Variants in STEAP2 observed in about 807,000 individuals in gnomAD.
The protein encoded by STEAP2 is metalloreductase STEAP2.
STEAP2 carries 30 observed loss-of-function variants against 46.4 expected under a neutral mutation model. The ratio of observed to expected loss-of-function variants is 0.65; its 90% CI spans 0.48 to 0.88. The LOEUF is 0.88. STEAP2 is among the 40% of genes least tolerant of loss of function. The pLI is 0.00. For missense variants in STEAP2, 513 were observed against 579.3 expected, an observed-to-expected ratio of 0.89 and a Z score of 1.18; for synonymous variants, 180 against 200.5, an observed-to-expected ratio of 0.90 and a Z score of 0.86.
In STEAP2 at chr7:90,234,076, C is replaced by T. The variant is rs1025200540; in HGVS notation, c.*1452C>T. 1.0e-6 allele frequency: 1 copy of T among 985,244 alleles called. No homozygotes were observed. The highest frequency in any genetic ancestry group is 1.1e-4 in the East Asian group (1 of 8,830). 61.0% of individuals were successfully genotyped at this position (985,244 alleles called of 1,614,324 possible). ...AAAATCTCTGTAGAGTTAGTCTTCT[C>T]CTTTTCTCTTCCTGAGAAGTTCTCC... On this transcript the variant is annotated 3_prime_UTR_variant, in exon 6 of 6. Transcript: ENST00000394621.
At chr7:90,240,369 C>T (rs2116427336), downstream of STEAP2, among the ~76,000 whole-genome samples, 1 of 152,132 alleles carries the variant, frequency 6.6e-6, no homozygotes, top group Admixed American at 6.5e-5. This position sits in a 1 kb window ranked among gnomAD's most constrained non-coding sequence, Gnocchi z 4.1. Context: ...CTACTAAAAA[C>T]TATGACTAGA....
In STEAP2 at chr7:90,227,097, C is replaced by T. The variant is rs148055758; in HGVS notation, c.619C>T (p.Arg207Ter). ...SAREIENLPLRLFTLWRGPVV... is the reference protein window; with the variant it reads ...SAREIENLPL ...CAGAGAGATTGAAAATTTACCCCTA[C>T]GACTCTTTACTCTCTGGAGAGGGCC... is the stretch of plus-strand genomic sequence containing the variant. Residue 207 changes from arginine to a stop codon, truncating the protein, a stop_gained, in exon 4 of 6, where the codon CGA (arginine) becomes TGA (stop). Coordinates refer to ENST00000394621, the MANE Select transcript of STEAP2 (RefSeq NM_001244944.2). LOFTEE classifies it high-confidence loss of function. 2.4e-5 allele frequency: 39 copies of T among 1,613,686 alleles called. No homozygotes were observed. Among genetic ancestry groups the T allele is most frequent in the Non-Finnish European group, 3.1e-5 (37 of 1,179,846 alleles).
chr7:90,213,756 A>C lies in STEAP2; in HGVS notation c.-147+1711A>C, dbSNP rs185586005. On this transcript the variant is annotated intron_variant, in intron 1 of 5. Transcript: ENST00000394621. ...TTTATTGTCCAATGGGGGAAATAGT[A>C]AACAGTAAAGAAACAATTATATAAA... is the stretch of plus-strand genomic sequence containing the variant. 11 of 152,362 alleles carry C rather than the reference A, an allele frequency of 7.2e-5. No homozygotes were observed. In the East Asian group the frequency reaches 1.5e-3, roughly 21 times the overall value. The allele number at this position is 152,362 out of a possible 1,614,324, so 9.4% of individuals were successfully genotyped here. A position where few individuals can be genotyped will look rare whatever the true frequency, so the allele number is the denominator to read the frequency against.
intron 2 of STEAP2, among the ~76,000 whole-genome samples, chr7:90,222,900 A>T (rs1387018493): frequency 6.6e-6 from 1 of 152,112 alleles, no homozygotes; most frequent in Non-Finnish European, 1.5e-5. Context: ...AATCCTCTGA[A>T]ATGGTCCACA....
intron 4 of STEAP2, among the ~76,000 whole-genome samples, 165 bp downstream of exon 4, chr7:90,227,663 G>A (rs1026941834): frequency 6.6e-6 from 1 of 152,120 alleles, no homozygotes; most frequent in Non-Finnish European, 1.5e-5. Flanking sequence ...AAATAATTAG[G>A]TGGCTAATTC....
chr7:90,239,682 G>A (rs910864148), downstream of STEAP2, among the ~76,000 whole-genome samples: 13 of 151,986 alleles, frequency 8.6e-5, no homozygotes, highest in African/African-American at 2.7e-4. Flanking sequence ...GGGTAAAAGC[G>A]CTTTATAAAT....
chr7:90,241,528 C>T (rs1432085459), downstream of STEAP2, among the ~76,000 whole-genome samples: 1 of 152,184 alleles, frequency 6.6e-6, no homozygotes, highest in East Asian at 1.9e-4. Context: ...AAAGTATGTT[C>T]TCCAGACCAA....
rs1026731675 is a variant in STEAP2, at chr7:90,237,639, T to C, written c.*5015T>C. On this transcript the variant is annotated 3_prime_UTR_variant, in exon 6 of 6. Coordinates refer to ENST00000394621, the MANE Select transcript of STEAP2 (RefSeq NM_001244944.2). ...TTAACTTCTGTTTTGAAATGTTGTA[T>C]ACACGTGGATTTTTTTCTCATTAAA... is the stretch of plus-strand genomic sequence containing the variant. 2 of 156,884 alleles carry C rather than the reference T, an allele frequency of 1.3e-5. No individual in the cohort carries two copies. The highest frequency in any genetic ancestry group is 6.2e-5 in the Admixed American group (1 of 16,250). 9.7% of individuals were successfully genotyped at this position (156,884 alleles called of 1,614,324 possible). A position where few individuals can be genotyped will look rare whatever the true frequency, so the allele number is the denominator to read the frequency against.
At chr7:90,238,670 C>T (rs1477903676), downstream of STEAP2, among the ~76,000 whole-genome samples, 2 of 152,174 alleles carry the variant, frequency 1.3e-5, no homozygotes, top group African/African-American at 2.4e-5. Context: ...TTCTGTTTCT[C>T]AGAGATAGTA....
chr7:90,238,230 T>C, downstream of STEAP2: 1 of 697,582 alleles, frequency 1.4e-6, no homozygotes, highest in East Asian at 2.7e-5. Flanking sequence ...TTTGTGCCTG[T>C]GCACCAGATC....
intron 2 of STEAP2, among the ~76,000 whole-genome samples, chr7:90,219,683 T>A (rs1795168992): frequency 6.6e-6 from 1 of 152,090 alleles, no homozygotes; most frequent in Non-Finnish European, 1.5e-5. Flanking sequence ...GTGTTTTTTT[T>A]ATGAGTTGTT....
Position 90,225,457 on chromosome 7 carries a change from C to T in STEAP2, c.375C>T (p.Tyr125=), listed in dbSNP as rs1795446446. The T allele has an allele frequency of 1.9e-6, 3 of 1,613,688 alleles. No homozygotes were observed. Among genetic ancestry groups the T allele is most frequent in the Admixed American group, 3.3e-5 (2 of 59,956 alleles). The part of the protein sequence containing the change: ...DVSNNMRINQ[Y]PESNAEYLAS... ...GCAATAACATGAGGATAAACCAGTA[C>T]CCAGAATCCAATGCTGAATATTTGG... is the stretch of plus-strand genomic sequence containing the variant. The change falls in exon 3 of 6, where the codon TAC becomes TAT. Residue 125 remains tyrosine, a synonymous_variant. Coordinates refer to ENST00000394621, the MANE Select transcript of STEAP2 (RefSeq NM_001244944.2).
chr7:90,223,590 C>T (rs907705749), intron 2 of STEAP2, among the ~76,000 whole-genome samples: 1 of 152,218 alleles, frequency 6.6e-6, no homozygotes, highest in African/African-American at 2.4e-5. Flanking sequence ...TATGCTTGCG[C>T]TCTGAACTCA....
chr7:90,229,724 G>A (rs913415913), intron 4 of STEAP2, 148 bp from the exon 5 acceptor site: 2 of 1,272,880 alleles, frequency 1.6e-6, no homozygotes, highest in Non-Finnish European at 2.1e-6. Flanking sequence ...CCAGTAACAG[G>A]TTCTCTGTAA....
Position 90,236,648 on chromosome 7 carries a change from C to A in STEAP2, c.*4024C>A. On this transcript the variant is annotated 3_prime_UTR_variant, in exon 6 of 6. Transcript: ENST00000394621. ...TTTAGTATGAGAAAATTATACAGTG[C>A]TTAATTTTCAGAGATTCTTTCCATA... The A allele has an allele frequency of 8.1e-7, 1 of 1,241,694 alleles. No individual in the cohort carries two copies. The highest frequency in any genetic ancestry group is 1.0e-6 in the Non-Finnish European group (1 of 991,488). The allele number at this position is 1,241,694 out of a possible 1,614,324, so 76.9% of individuals were successfully genotyped here. A position where few individuals can be genotyped will look rare whatever the true frequency, so the allele number is the denominator to read the frequency against.
intron 2 of STEAP2, among the ~76,000 whole-genome samples, chr7:90,218,581 T>C (rs1584228014): frequency 6.6e-6 from 1 of 152,268 alleles, no homozygotes; most frequent in South Asian, 2.1e-4. Context: ...TGGCTGTAAA[T>C]GTGTGGATTT....
At chr7:90,232,156 A>G (rs1795780725) in intron 5 of STEAP2, among the ~76,000 whole-genome samples, 181 bp from the exon 6 acceptor site, 1 of 151,882 alleles carries the variant, frequency 6.6e-6, no homozygotes. Context: ...TAATACATAT[A>G]TATGCATATA....
At chr7:90,230,598 C>T (rs113144905) in intron 5 of STEAP2, among the ~76,000 whole-genome samples, 1,731 of 151,982 alleles carry the variant, frequency 0.011, 15 homozygotes, top group Non-Finnish European at 0.017. Flanking sequence ...TATACTAATA[C>T]GTATGGATGT....
chr7:90,216,145 G>A (rs1795001946), intron 1 of STEAP2: 1 of 152,172 alleles, frequency 6.6e-6, no homozygotes, highest in Non-Finnish European at 1.5e-5. Flanking sequence ...AAAAGGTATA[G>A]ACACTGTGGA....
Sources: gnomAD v4.1 joint callset for allele counts (sites outside exome capture counted in the v4.1 genomes callset) on GRCh38, gnomAD v4.1.1 for gene constraint, Gnocchi (gnomAD v3.1) non-coding constraint, MANE v1.5 for transcripts, NCBI Gene and HGNC (gene_info 2026-07-23, HGNC 2026-07-21) for gene names.